PCDHA7: variants seen among roughly 807,000 people sequenced by gnomAD.
PCDHA7 encodes protocadherin alpha 7.
PCDHA7 carries 37 observed loss-of-function variants against 57.2 expected under a neutral mutation model. That is an observed-to-expected ratio of 0.65 (90% CI 0.50 to 0.85). The LOEUF is 0.85. PCDHA7 is among the 40% of genes least tolerant of loss of function. The pLI, the probability that PCDHA7 is intolerant of heterozygous loss-of-function variation, is 0.00. For synonymous variants in PCDHA7, 553 were observed against 558.8 expected (o/e 0.99, Z 0.15); for missense variants, 1,188 against 1,241.8 (o/e 0.96, Z 0.65).
chr5:141,009,132 G>A (rs2098400947), intron 3 of PCDHA7, among the ~76,000 whole-genome samples: 1 of 152,204 alleles, frequency 6.6e-6, no homozygotes, highest in African/African-American at 2.4e-5. Flanking sequence ...GTATCCTGGT[G>A]AAAAAACCTG....
At chr5:140,911,396 G>C (rs1348303429) in intron 1 of PCDHA7, among the ~76,000 whole-genome samples, 1 of 152,104 alleles carries the variant, frequency 6.6e-6, no homozygotes, top group Non-Finnish European at 1.5e-5. Context: ...TTTCATTGCA[G>C]GTCAGCCACT....
At chr5:140,853,468 T>C in intron 1 of PCDHA7, 2 of 970,862 alleles carry the variant, frequency 2.1e-6, no homozygotes, top group African/African-American at 1.8e-5. Context: ...TATGCATCTG[T>C]AGTTAACATT....
intron 3 of PCDHA7, among the ~76,000 whole-genome samples, chr5:141,002,021 C>T (rs1177146388): frequency 6.6e-6 from 1 of 152,184 alleles, no homozygotes; most frequent in Non-Finnish European, 1.5e-5. Context: ...GCACAGCCTT[C>T]GGTGCCCTGA....
intron 1 of PCDHA7, chr5:140,865,406 G>A (rs899888055): frequency 4.6e-5 from 7 of 152,130 alleles, no homozygotes; most frequent in African/African-American, 1.4e-4. Flanking sequence ...ATGCTGAAAA[G>A]GAATTAGTAG....
chr5:140,951,237 T>G (rs1405165070), intron 1 of PCDHA7, among the ~76,000 whole-genome samples: 2 of 152,200 alleles, frequency 1.3e-5, no homozygotes, highest in African/African-American at 4.8e-5. Flanking sequence ...GTCTTTACCT[T>G]TAGGAATGCA....
At chr5:140,884,321 G>A in intron 1 of PCDHA7, 1 of 1,613,854 alleles carries the variant, frequency 6.2e-7, no homozygotes, top group Non-Finnish European at 8.5e-7. Context: ...GGCGTCGGCA[G>A]GCGCTGTGGG....
intron 1 of PCDHA7, chr5:140,967,968 G>A: frequency 3.1e-6 from 5 of 1,614,218 alleles, no homozygotes; most frequent in Non-Finnish European, 4.2e-6. Flanking sequence ...CGGAAAGTGA[G>A]CCTGGGTCTG....
chr5:140,966,499 A>AGCG (rs1178498918), intron 1 of PCDHA7: 4 of 431,834 alleles, frequency 9.3e-6, no homozygotes, highest in Non-Finnish European at 1.6e-5. Flanking sequence ...CTGGAGCTGT[A>AGCG]GCGGCAGCAG....
intron 1 of PCDHA7, chr5:140,848,977 A>C (rs2150427682): frequency 6.2e-7 from 1 of 1,600,464 alleles, no homozygotes; most frequent in South Asian, 1.1e-5. Context: ...TCCGATGCAG[A>C]TATCGGGGAG....
intron 1 of PCDHA7, chr5:140,875,559 C>A (rs1554167755): frequency 6.2e-7 from 1 of 1,614,138 alleles, no homozygotes; most frequent in Admixed American, 1.7e-5. Flanking sequence ...TGGGGAGCGG[C>A]CAGCTCCACT....
rs1039422866 is a variant in PCDHA7 at position 140,928,669 on chromosome 5, A to G, written c.2356-50280A>G. 6 of 1,614,042 alleles carry G rather than the reference A, an allele frequency of 3.7e-6. No homozygotes were observed. The African/African-American group carries it at 6.7e-5, about 18-fold the overall frequency. On this transcript the variant is annotated intron_variant, in intron 1 of 3. Transcript: ENST00000525929. ...AGCAGAGGATGCTGACAGTGGTTCT[A>G]ATGCCTGGCTTTCCTACCACATCTC...
At chr5:140,862,766 A>T (rs781899169) in intron 1 of PCDHA7, 1 of 576,266 alleles carries the variant, frequency 1.7e-6, no homozygotes, top group Non-Finnish European at 3.3e-6. Context: ...GGCAAGAGGT[A>T]CGCGTTGCAG....
chr5:140,920,955 C>A (rs2079947807), intron 1 of PCDHA7, among the ~76,000 whole-genome samples: 1 of 151,668 alleles, frequency 6.6e-6, no homozygotes, highest in Admixed American at 6.6e-5. Context: ...AAACACTACA[C>A]ATGTAGTACT....
chr5:140,848,600 C>T lies in PCDHA7; in HGVS notation c.2355+11862C>T, dbSNP rs2150414065. On this transcript the variant is annotated intron_variant, in intron 1 of 3. Coordinates refer to ENST00000525929, the MANE Select transcript of PCDHA7 (RefSeq NM_018910.3). ...GGAGCGGCCAGCTCCACTACTCCGT[C>T]CCGGAGGAAGCCGAACACGGCACCT... 7 of 1,593,634 alleles carry T rather than the reference C, an allele frequency of 4.4e-6. No homozygotes were observed. The African/African-American group carries it at 8.1e-5, about 18-fold the overall frequency.
At chr5:140,877,002 G>A (rs374546473) in intron 1 of PCDHA7, 96 of 1,612,426 alleles carry the variant, frequency 6.0e-5, no homozygotes, top group Non-Finnish European at 8.0e-5. Flanking sequence ...ACGTGTCGGT[G>A]CACGCGGAGA....
At chr5:140,982,159 G>A (rs1466298378) in intron 2 of PCDHA7, among the ~76,000 whole-genome samples, 1 of 152,262 alleles carries the variant, frequency 6.6e-6, no homozygotes, top group African/African-American at 2.4e-5. Flanking sequence ...GTATCGAGAT[G>A]TTAAAATGGC....
intron 1 of PCDHA7, among the ~76,000 whole-genome samples, chr5:140,940,745 T>C (rs1554213585): frequency 6.6e-6 from 1 of 152,260 alleles, no homozygotes; most frequent in Non-Finnish European, 1.5e-5. Flanking sequence ...CATATTTTTA[T>C]GTGTGCCAAC....
intron 1 of PCDHA7, chr5:140,869,239 G>A: frequency 6.2e-7 from 1 of 1,613,652 alleles, no homozygotes; most frequent in Non-Finnish European, 8.5e-7. Context: ...CACCTTCGTG[G>A]GCCGCATCGC....
intron 1 of PCDHA7, chr5:140,876,058 C>T (rs781906188): frequency 6.2e-7 from 1 of 1,613,868 alleles, no homozygotes; most frequent in Middle Eastern, 1.6e-4. Context: ...TGAATTAGTT[C>T]TTCGGAAGTT....
Sources: allele counts gnomAD v4.1 joint callset (sites outside exome capture counted in the v4.1 genomes callset), GRCh38; gene constraint gnomAD v4.1.1; transcripts MANE v1.5; gene names NCBI Gene and HGNC (gene_info 2026-07-23, HGNC 2026-07-21).